Variants in B3GALT1 observed in about 807,000 individuals in gnomAD.
B3GALT1 encodes the protein beta-1,3-galactosyltransferase 1.
A neutral mutation model predicts 23.2 loss-of-function variants in B3GALT1; 10 were observed. That is an observed-to-expected ratio of 0.43 (90% confidence interval 0.27 to 0.73). The LOEUF (loss-of-function observed/expected upper bound fraction) is 0.73, where lower values mean the gene tolerates loss of function less well. Ranked by LOEUF, B3GALT1 falls within the 30% of genes least tolerant of loss-of-function variation. The pLI is 0.21. For missense variants in B3GALT1, 299 were observed against 405.4 expected, an observed-to-expected ratio of 0.74 and a Z score of 2.25; for synonymous variants, 156 against 141.5, an observed-to-expected ratio of 1.10 and a Z score of -0.73.
At chr2:167,302,529 C>A (rs538763229) in intron 1 of B3GALT1, among the ~76,000 whole-genome samples, 1 of 152,142 alleles carries the variant, frequency 6.6e-6, no homozygotes, top group Non-Finnish European at 1.5e-5. Context: ...TAGTTGGTAA[C>A]TTTTCAGGGG....
At chr2:167,772,965 C>G (rs1688097277) in intron 3 of B3GALT1, among the ~76,000 whole-genome samples, 1 of 152,168 alleles carries the variant, frequency 6.6e-6, no homozygotes, top group Non-Finnish European at 1.5e-5. Flanking sequence ...ATAACACTTT[C>G]ATCAAAAATT....
chr2:167,338,885 T>C (rs1006904839), intron 1 of B3GALT1, among the ~76,000 whole-genome samples: 1 of 152,052 alleles, frequency 6.6e-6, no homozygotes, highest in Non-Finnish European at 1.5e-5. Flanking sequence ...ATAAAAATCC[T>C]CCAATAAATA....
intron 2 of B3GALT1, among the ~76,000 whole-genome samples, chr2:167,614,524 A>G (rs1343975985): frequency 1.3e-5 from 2 of 151,942 alleles, no homozygotes; most frequent in East Asian, 1.9e-4. Flanking sequence ...CTTAGAAAAA[A>G]TGTTTCTTAA....
At chr2:167,416,231 C>T (rs1161987086) in intron 1 of B3GALT1, among the ~76,000 whole-genome samples, 3 of 152,176 alleles carry the variant, frequency 2.0e-5, no homozygotes, top group African/African-American at 7.2e-5. Context: ...TGGGGACAGA[C>T]TCAGGCCTGC....
intron 4 of B3GALT1, among the ~76,000 whole-genome samples, chr2:167,863,849 T>C (rs967584986): frequency 5.1e-4 from 77 of 152,324 alleles, no homozygotes; most frequent in Admixed American, 2.0e-3. Context: ...TCTCTGTTTT[T>C]TCAACAGAGG....
chr2:167,708,870 A>G (rs1687008331), intron 3 of B3GALT1, among the ~76,000 whole-genome samples: 1 of 152,196 alleles, frequency 6.6e-6, no homozygotes, highest in Non-Finnish European at 1.5e-5. Flanking sequence ...AATAATATAA[A>G]TAATGCCACC....
intron 2 of B3GALT1, among the ~76,000 whole-genome samples, chr2:167,566,364 G>A (rs1483581041): frequency 1.3e-5 from 2 of 148,738 alleles, no homozygotes; most frequent in Non-Finnish European, 2.9e-5. Flanking sequence ...GGTGGGGGGA[G>A]AGGGGAGGGA....
chr2:167,561,699 A>G (rs1683994972), intron 2 of B3GALT1, among the ~76,000 whole-genome samples: 1 of 152,256 alleles, frequency 6.6e-6, no homozygotes, highest in Admixed American at 6.5e-5. Flanking sequence ...TAAAGTAGAA[A>G]ATCTAGAAGA....
chr2:167,333,354 T>A (rs1697004763), intron 1 of B3GALT1, among the ~76,000 whole-genome samples: 1 of 152,208 alleles, frequency 6.6e-6, no homozygotes, highest in South Asian at 2.1e-4. Context: ...TGGAAGTTAG[T>A]GTAAAGCAGG....
chr2:167,761,456 G>A (rs903977206), intron 3 of B3GALT1, among the ~76,000 whole-genome samples: 9 of 152,146 alleles, frequency 5.9e-5, no homozygotes, highest in African/African-American at 2.2e-4. Context: ...CCTTCTCTAT[G>A]TATGTGTGTA....
intron 3 of B3GALT1, among the ~76,000 whole-genome samples, chr2:167,670,226 C>T (rs1454287038): frequency 6.6e-6 from 1 of 152,160 alleles, no homozygotes; most frequent in Non-Finnish European, 1.5e-5. Context: ...CACTTCAGAG[C>T]ACTACCCTAG....
rs139422706 is a variant in B3GALT1, at chr2:167,619,106, T to C, written c.-409-27803T>C. On this transcript the variant is annotated intron_variant, in intron 2 of 4. Transcript: ENST00000392690. ...CCATTATTCCCAATACATTTATTAGTTGGCATTCTTCCATTAAAAAACATC... is the reference window on the plus strand; with the variant it reads ...CCATTATTCCCAATACATTTATTAGCTGGCATTCTTCCATTAAAAAACATC... 2.8e-3 allele frequency among the ~76,000 whole-genome samples: 425 copies of C among 152,144 alleles called. 1 individual carries two copies. Among genetic ancestry groups the C allele is most frequent in the African/African-American group, 1.0e-2 (414 of 41,568 alleles).
At chr2:167,301,156 A>G (rs1696439427) in intron 1 of B3GALT1, among the ~76,000 whole-genome samples, 1 of 152,252 alleles carries the variant, frequency 6.6e-6, no homozygotes. Context: ...GATGGACTAC[A>G]GATACTCCTA....
At chr2:167,461,514 A>C (rs1157090196) in intron 1 of B3GALT1, among the ~76,000 whole-genome samples, 1 of 152,156 alleles carries the variant, frequency 6.6e-6, no homozygotes, top group Non-Finnish European at 1.5e-5. Context: ...GTTTTTGACT[A>C]ATCAGAGGCC....
chr2:167,385,559 T>G (rs1697915079), intron 1 of B3GALT1, among the ~76,000 whole-genome samples: 1 of 148,876 alleles, frequency 6.7e-6, no homozygotes, highest in Non-Finnish European at 1.5e-5. Context: ...GATGGATTGA[T>G]TTGGGTAGCA....
At chr2:167,738,818 A>G (rs1335113622) in intron 3 of B3GALT1, among the ~76,000 whole-genome samples, 1 of 152,138 alleles carries the variant, frequency 6.6e-6, no homozygotes, top group African/African-American at 2.4e-5. Context: ...ACCAACTCTT[A>G]CTACATTTGA....
intron 3 of B3GALT1, among the ~76,000 whole-genome samples, chr2:167,695,520 G>A (rs184003468): frequency 1.3e-5 from 2 of 152,134 alleles, no homozygotes; most frequent in African/African-American, 4.8e-5. Context: ...GCCTTACCAG[G>A]GAAATCGCTT....
Position 167,545,073 on chromosome 2 carries a change from C to G in B3GALT1, c.-410+54796C>G, listed in dbSNP as rs574457893. On this transcript the variant is annotated intron_variant, in intron 2 of 4. Coordinates refer to ENST00000392690, the MANE Select transcript of B3GALT1 (RefSeq NM_020981.4). ...TTTTTTTGAGACAGTCTCGCTCTGT[C>G]GCCCAGGCTGGAGTGCAGTGGCACG... Among the ~76,000 whole-genome samples, 2 of 111,612 alleles carry G rather than the reference C, an allele frequency of 1.8e-5. 1 individual carries two copies. The highest frequency in any genetic ancestry group is 6.5e-4 in the South Asian group (2 of 3,094). 73.2% of individuals were successfully genotyped at this position (111,612 alleles called of 152,430 possible). A position where few individuals can be genotyped will look rare whatever the true frequency, so the allele number is the denominator to read the frequency against.
intron 1 of B3GALT1, among the ~76,000 whole-genome samples, chr2:167,453,696 CTATTT>C (rs1222128730): frequency 6.6e-6 from 1 of 152,178 alleles, no homozygotes; most frequent in African/African-American, 2.4e-5. Context: ...TTAAGGGACT[CTATTT>C]TAAGAAAATG....
Sources: allele counts gnomAD v4.1 joint callset (sites outside exome capture counted in the v4.1 genomes callset), GRCh38; gene constraint gnomAD v4.1.1; transcripts MANE v1.5; gene names NCBI Gene and HGNC (gene_info 2026-07-23, HGNC 2026-07-21).